Variants in ERI3 observed in about 807,000 individuals in gnomAD.
ERI3 encodes the protein ERI1 exoribonuclease 3.
In ERI3, 18 loss-of-function variants were observed where a neutral mutation model predicts 44.4. The observed-to-expected ratio is 0.41, with a 90% confidence interval of 0.28 to 0.60. The LOEUF (loss-of-function observed/expected upper bound fraction) is 0.60, where lower values mean the gene tolerates loss of function less well. Ranked by LOEUF, ERI3 falls within the 20% of genes least tolerant of loss-of-function variation. ERI3 has a pLI of 0.36. For synonymous variants in ERI3, 183 were observed against 164.8 expected (o/e 1.11, Z -0.84); for missense variants, 294 against 435.5 (o/e 0.68, Z 2.89).
chr1:44,338,463 CAT>C lies in ERI3; in HGVS notation c.489+580_489+581del, dbSNP rs532473054. 2.3e-3 allele frequency among the ~76,000 whole-genome samples: 344 copies of C among 152,362 alleles called. 1 individual carries two copies. Among genetic ancestry groups the C allele is most frequent in the Non-Finnish European group, 3.2e-3 (217 of 68,036 alleles). On this transcript the variant is annotated intron_variant, in intron 3 of 8. Coordinates refer to ENST00000372257, the MANE Select transcript of ERI3 (RefSeq NM_024066.3). ...GGCTAAGAGCCTCAGTTCCTACACA[CAT>C]GTGCCTCTCCACAGGGCTGCTTGAG... is the stretch of plus-strand genomic sequence containing the variant.
intron 3 of ERI3, among the ~76,000 whole-genome samples, chr1:44,327,012 C>T (rs1221002427): frequency 6.6e-6 from 1 of 152,218 alleles, no homozygotes; most frequent in East Asian, 1.9e-4. Flanking sequence ...ATGTACATGA[C>T]TCAGAAACAG....
intron 3 of ERI3, chr1:44,322,654 A>T (rs1424277287): frequency 2.8e-5 from 41 of 1,480,604 alleles, no homozygotes; most frequent in Non-Finnish European, 3.6e-5. Flanking sequence ...TGAGGATGCA[A>T]AAGAGAAGCT....
intron 1 of ERI3, chr1:44,353,324 G>A: frequency 1.0e-6 from 1 of 985,398 alleles, no homozygotes; most frequent in Non-Finnish European, 1.2e-6. Flanking sequence ...AAATCCACAA[G>A]CCATACTGAA....
At chr1:44,326,166 C>T (rs960886734) in intron 3 of ERI3, among the ~76,000 whole-genome samples, 1 of 152,192 alleles carries the variant, frequency 6.6e-6, no homozygotes, top group African/African-American at 2.4e-5. Context: ...AAGTGTGTGT[C>T]CCTGCACTGA....
intron 7 of ERI3, among the ~76,000 whole-genome samples, chr1:44,274,345 G>A (rs566041790): frequency 5.3e-4 from 80 of 152,300 alleles, no homozygotes; most frequent in African/African-American, 1.5e-3. Flanking sequence ...TAACAGTGCC[G>A]ATGCAGTGAG....
upstream of ERI3, chr1:44,355,273 G>A: frequency 1.8e-6 from 2 of 1,138,130 alleles, no homozygotes; most frequent in East Asian, 8.9e-5. Context: ...CGCGCACTCT[G>A]ACCCCGACCG....
intron 7 of ERI3, among the ~76,000 whole-genome samples, chr1:44,253,176 G>A (rs1250293937): frequency 6.6e-6 from 1 of 152,126 alleles, no homozygotes; most frequent in Admixed American, 6.6e-5. Flanking sequence ...AATACCTAAG[G>A]GCACAGGTAA....
chr1:44,332,138 C>T (rs1007281730), intron 3 of ERI3, among the ~76,000 whole-genome samples: 1 of 152,180 alleles, frequency 6.6e-6, no homozygotes, highest in Admixed American at 6.5e-5. Context: ...ATGAGGTCTT[C>T]CCCATTCCTT....
intron 1 of ERI3, chr1:44,354,536 C>T (rs1434108399): frequency 3.0e-6 from 3 of 985,280 alleles, no homozygotes; most frequent in East Asian, 2.3e-4. Flanking sequence ...ACTACCACCG[C>T]TTCAGATTTA....
At chr1:44,263,934 T>A (rs1644940649) in intron 7 of ERI3, among the ~76,000 whole-genome samples, 1 of 152,120 alleles carries the variant, frequency 6.6e-6, no homozygotes, top group Non-Finnish European at 1.5e-5. Context: ...TGTCTGGGGA[T>A]CAGGTAGGAG....
chr1:44,306,579 C>T (rs1645837709), intron 6 of ERI3, among the ~76,000 whole-genome samples: 1 of 152,198 alleles, frequency 6.6e-6, no homozygotes. Flanking sequence ...CAGGTCAGAC[C>T]AAAAGAAGAC....
chr1:44,350,684 G>A (rs1045693738), intron 2 of ERI3, among the ~76,000 whole-genome samples: 1 of 152,194 alleles, frequency 6.6e-6, no homozygotes, highest in African/African-American at 2.4e-5. Context: ...AGTTAGTAAA[G>A]AGAACTGTTA....
In ERI3 at chr1:44,248,388, C is replaced by T. The variant is rs547800761; in HGVS notation, c.832-350G>A. 7.9e-5 allele frequency among the ~76,000 whole-genome samples: 12 copies of T among 152,288 alleles called. 2 individuals are homozygous for T. The highest frequency in any genetic ancestry group is 2.9e-4 in the African/African-American group (12 of 41,568). On this transcript the variant is annotated intron_variant, in intron 7 of 8. Transcript: ENST00000372257. The stretch of plus-strand genomic sequence containing the variant: ...CACCTTGCACCCCTCCTTAGGATCT[C>T]CCCTTTCCGGAGCCCCCAGCACTTT...
At chr1:44,222,349 C>T (rs1231521883) in intron 8 of ERI3, among the ~76,000 whole-genome samples, 1 of 152,122 alleles carries the variant, frequency 6.6e-6, no homozygotes, top group Admixed American at 6.5e-5. Context: ...TCTACCAAAC[C>T]CTCCTGTATA....
intron 6 of ERI3, among the ~76,000 whole-genome samples, chr1:44,299,548 A>T (rs1645680903): frequency 6.6e-6 from 1 of 152,060 alleles, no homozygotes; most frequent in Non-Finnish European, 1.5e-5. Flanking sequence ...AAAAACACAG[A>T]TCTAAGCAAT....
intron 1 of ERI3, chr1:44,354,165 GC>G: frequency 4.1e-6 from 4 of 985,404 alleles, no homozygotes; most frequent in Non-Finnish European, 4.8e-6. Flanking sequence ...AGTTTGAATA[GC>G]GTACACTCTT....
chr1:44,277,044 G>A (rs114915852), intron 7 of ERI3, among the ~76,000 whole-genome samples: 4 of 152,074 alleles, frequency 2.6e-5, no homozygotes, highest in African/African-American at 7.2e-5. Context: ...GTAGAACTAC[G>A]GCAAGCCTGT....
At chr1:44,305,759 GA>G (rs1218572466) in intron 6 of ERI3, among the ~76,000 whole-genome samples, 2 of 152,224 alleles carry the variant, frequency 1.3e-5, no homozygotes, top group African/African-American at 2.4e-5. Flanking sequence ...GGGAGAAGGG[GA>G]GGAGGAGGTA....
chr1:44,296,138 C>A (rs183342650), intron 6 of ERI3, among the ~76,000 whole-genome samples: 1 of 152,192 alleles, frequency 6.6e-6, no homozygotes, highest in African/African-American at 2.4e-5. Context: ...TCTCCACCCC[C>A]CTCCACCGTG....
Sources: allele counts gnomAD v4.1 joint callset (sites outside exome capture counted in the v4.1 genomes callset), GRCh38; gene constraint gnomAD v4.1.1; transcripts MANE v1.5; gene names NCBI Gene and HGNC (gene_info 2026-07-23, HGNC 2026-07-21).